The following ADGRB3 variants were observed in gnomAD, a reference collection of about 807,000 sequenced individuals.
ADGRB3 encodes the protein brain-specific angiogenesis inhibitor 3.
In ADGRB3, 37 loss-of-function variants were observed where a neutral mutation model predicts 193.4. That is an observed-to-expected ratio of 0.19 (90% CI 0.15 to 0.25). ADGRB3 has a LOEUF of 0.25. ADGRB3 is among the 10% of genes least tolerant of loss of function. The pLI is 1.00. For missense variants in ADGRB3, 1,637 were observed against 1,852.9 expected, an observed-to-expected ratio of 0.88 and a Z score of 2.14; for synonymous variants, 690 against 644.2, an observed-to-expected ratio of 1.07 and a Z score of -1.08.
chr6:69,059,605 T>C (rs573854907), intron 15 of ADGRB3, among the ~76,000 whole-genome samples: 1 of 152,296 alleles, frequency 6.6e-6, no homozygotes, highest in South Asian at 2.1e-4. Context: ...AGATCTGCTT[T>C]TCTAGCAGTG....
intron 30 of ADGRB3, among the ~76,000 whole-genome samples, chr6:69,373,492 A>T (rs1433114442): frequency 2.0e-5 from 3 of 152,096 alleles, no homozygotes; most frequent in African/African-American, 7.2e-5. Flanking sequence ...ATGATAAGGA[A>T]TCTTTTATCT....
chr6:68,734,570 A>G (rs1012097468), intron 3 of ADGRB3, among the ~76,000 whole-genome samples: 4 of 152,020 alleles, frequency 2.6e-5, no homozygotes, highest in African/African-American at 9.7e-5. Context: ...GGGTGATGTA[A>G]ATGTAGAAGA....
At chr6:69,254,698 T>C (rs1197569148) in intron 20 of ADGRB3, among the ~76,000 whole-genome samples, 2 of 147,522 alleles carry the variant, frequency 1.4e-5, no homozygotes, top group Admixed American at 6.8e-5. Flanking sequence ...TTTGTATTTC[T>C]TTTTTTTTTC....
rs918576293 is a variant in ADGRB3 at position 68,908,030 on chromosome 6, A to G, written c.758-22529A>G. On this transcript the variant is annotated intron_variant, in intron 3 of 31. Transcript: ENST00000370598. The stretch of plus-strand genomic sequence containing the variant: ...TTTCTCCTGTTTCTTGCATTACCTT[A>G]TCTTTTATGTTACATAAAGTTCGAT... Among the ~76,000 whole-genome samples the G allele has an allele frequency of 2.6e-5, 4 of 151,868 alleles. No homozygotes were observed. In the South Asian group the frequency reaches 8.3e-4, roughly 31 times the overall value.
intron 3 of ADGRB3, among the ~76,000 whole-genome samples, chr6:68,817,648 G>A (rs1767663354): frequency 1.3e-5 from 2 of 151,632 alleles, no homozygotes; most frequent in Admixed American, 1.3e-4. Flanking sequence ...AATCTGTAAG[G>A]TTGTTGTAAG....
At chr6:68,913,272 C>T (rs1021800942) in intron 3 of ADGRB3, among the ~76,000 whole-genome samples, 1 of 151,990 alleles carries the variant, frequency 6.6e-6, no homozygotes, top group African/African-American at 2.4e-5. Context: ...GACCCCCGAG[C>T]AGCCTAACTG....
chr6:68,692,315 A>C (rs2127302903), intron 3 of ADGRB3, among the ~76,000 whole-genome samples: 1 of 151,988 alleles, frequency 6.6e-6, no homozygotes, highest in South Asian at 2.1e-4. Context: ...TAGGAAGTTA[A>C]TTTCGTGTTT....
chr6:69,335,968 T>A (rs1768836447), intron 24 of ADGRB3, among the ~76,000 whole-genome samples: 1 of 152,104 alleles, frequency 6.6e-6, no homozygotes, highest in Non-Finnish European at 1.5e-5. Flanking sequence ...AATAAGTGAA[T>A]GTTTAATAAA....
chr6:69,088,334 T>C (rs1772607430), intron 17 of ADGRB3, among the ~76,000 whole-genome samples: 1 of 152,218 alleles, frequency 6.6e-6, no homozygotes, highest in Non-Finnish European at 1.5e-5. Flanking sequence ...TAGTTCAATA[T>C]ATACAATAAA....
intron 20 of ADGRB3, among the ~76,000 whole-genome samples, chr6:69,289,587 CCT>C (rs1354421844): frequency 1.4e-4 from 21 of 152,168 alleles, no homozygotes; most frequent in Admixed American, 6.5e-5. Context: ...CTCATCCACA[CCT>C]GCATGCCCAT....
intron 4 of ADGRB3, 77 bp from the exon 5 acceptor site, chr6:68,936,439 CATA>C: frequency 1.5e-6 from 2 of 1,334,360 alleles, no homozygotes; most frequent in South Asian, 1.5e-5. Flanking sequence ...TCTTGCATGT[CATA>C]ATGTCAGTTT....
chr6:69,376,025 C>T (rs1473719999), intron 30 of ADGRB3, among the ~76,000 whole-genome samples: 1 of 148,832 alleles, frequency 6.7e-6, no homozygotes, highest in African/African-American at 2.5e-5. Flanking sequence ...TTTTAATCTT[C>T]ACTTCCAAAA....
Position 69,140,203 on chromosome 6 carries a change from A to G in ADGRB3, c.2480+64165A>G, listed in dbSNP as rs573217175. ...TATTGGTAAGTTTACTCTGAATTCA[A>G]AAGTCTCTAATAACTGATATATAAG... On this transcript the variant is annotated intron_variant, in intron 17 of 31. Coordinates refer to ENST00000370598, the MANE Select transcript of ADGRB3 (RefSeq NM_001704.3). Among the ~76,000 whole-genome samples, 7 of 152,370 alleles carry G rather than the reference A, an allele frequency of 4.6e-5. No individual in the cohort carries two copies. The South Asian group carries it at 8.3e-4, about 18-fold the overall frequency.
intron 3 of ADGRB3, among the ~76,000 whole-genome samples, chr6:68,677,374 C>A (rs539423258): frequency 6.6e-6 from 1 of 152,110 alleles, no homozygotes. Context: ...CTTGTCACTG[C>A]AGACTAGCTT....
intron 3 of ADGRB3, among the ~76,000 whole-genome samples, chr6:68,883,306 C>G (rs1217544506): frequency 6.6e-6 from 1 of 151,508 alleles, no homozygotes; most frequent in Admixed American, 6.6e-5. Flanking sequence ...CCAATCAGCT[C>G]TCTGTAAAAT....
chr6:69,026,411 A>C (rs772250607), intron 13 of ADGRB3, among the ~76,000 whole-genome samples: 1 of 152,220 alleles, frequency 6.6e-6, no homozygotes, highest in African/African-American at 2.4e-5. Flanking sequence ...CAGAAAGGCC[A>C]TGATTCACCC....
intron 3 of ADGRB3, among the ~76,000 whole-genome samples, chr6:68,766,335 A>G (rs959318963): frequency 6.6e-6 from 1 of 151,906 alleles, no homozygotes; most frequent in Non-Finnish European, 1.5e-5. Flanking sequence ...TGTAGGTACT[A>G]TACTAGTTCC....
At chr6:69,023,420 TG>T (rs1770328217) in intron 13 of ADGRB3, among the ~76,000 whole-genome samples, 1 of 152,136 alleles carries the variant, frequency 6.6e-6, no homozygotes, top group South Asian at 2.1e-4. Flanking sequence ...GCTGGATTAT[TG>T]ATAAGTCAAC....
chr6:69,100,882 GAGGGAAGGAAGGAAGGAAGA>G (rs1773023482), intron 17 of ADGRB3, among the ~76,000 whole-genome samples: 2 of 14,596 alleles, frequency 1.4e-4, no homozygotes, highest in African/African-American at 1.7e-4. Flanking sequence ...AGAAGGAAGG[GAGGGAAGGAAGGAAGGAAGA>G]AGCGAGGGAG....
Sources: gnomAD v4.1 joint callset for allele counts (sites outside exome capture counted in the v4.1 genomes callset) on GRCh38, gnomAD v4.1.1 for gene constraint, MANE v1.5 for transcripts, NCBI Gene and HGNC (gene_info 2026-07-23, HGNC 2026-07-21) for gene names.